KLC1: variants seen among roughly 807,000 people sequenced by gnomAD.
The protein encoded by KLC1 is kinesin 2 60/70kDa.
A neutral mutation model predicts 84.2 loss-of-function variants in KLC1; 30 were observed. The ratio of observed to expected loss-of-function variants is 0.36; its 90% CI spans 0.27 to 0.48. The LOEUF (loss-of-function observed/expected upper bound fraction) is 0.48, where lower values mean the gene tolerates loss of function less well. KLC1 is among the 20% of genes least tolerant of loss of function. KLC1 has a pLI of 0.99. For synonymous variants in KLC1, 289 were observed against 293.3 expected, an observed-to-expected ratio of 0.99 and a Z score of 0.15; for missense variants, 499 against 805.4, an observed-to-expected ratio of 0.62 and a Z score of 4.60.
In KLC1 at chr14:103,701,273, C is replaced by T. The variant is rs1220016644; in HGVS notation, c.*74C>T. ...CGGAGCTGGCCCGGGACAGCCAGGG[C>T]GGCAGGGAGGGCCCCTGGCCGGGAG... On this transcript the variant is annotated 3_prime_UTR_variant, in exon 17 of 17. Coordinates refer to ENST00000334553, the MANE Select transcript of KLC1 (RefSeq NM_001394837.1). The T allele has an allele frequency of 1.3e-5, 19 of 1,507,516 alleles. No individual in the cohort carries two copies. The highest frequency in any genetic ancestry group is 1.1e-4 in the South Asian group (9 of 82,650). The allele number at this position is 1,507,516 out of a possible 1,614,324, so 93.4% of individuals were successfully genotyped here.
intron 1 of KLC1, among the ~76,000 whole-genome samples, chr14:103,645,610 C>T (rs375213611): frequency 1.6e-4 from 25 of 152,242 alleles, no homozygotes; most frequent in African/African-American, 6.0e-4. Context: ...TAACCTACTG[C>T]ACACCTAGGC....
chr14:103,666,598 C>CTTT (rs754602644), intron 5 of KLC1, among the ~76,000 whole-genome samples: 1 of 141,446 alleles, frequency 7.1e-6, no homozygotes, highest in African/African-American at 2.6e-5. Flanking sequence ...TCATTTAATT[C>CTTT]TTTTTTTTTT....
At chr14:103,690,637 C>G (rs934286033) in intron 14 of KLC1, among the ~76,000 whole-genome samples, 4 of 1,216 alleles carry the variant, frequency 3.3e-3, no homozygotes, top group African/African-American at 3.8e-3. Context: ...TGTTCGCTGT[C>G]CCATGTTGCA....
chr14:103,631,962 G>A (rs1375608822), intron 1 of KLC1, among the ~76,000 whole-genome samples: 1 of 152,160 alleles, frequency 6.6e-6, no homozygotes, highest in African/African-American at 2.4e-5. Context: ...GAGTATTTGG[G>A]AAGATTTAAG....
At chr14:103,674,336 A>G (rs558662350) in intron 9 of KLC1, among the ~76,000 whole-genome samples, 1 of 151,950 alleles carries the variant, frequency 6.6e-6, no homozygotes, top group Non-Finnish European at 1.5e-5. Context: ...CCTCCATAGC[A>G]TGGGTCTGTT....
rs187219270 is a variant in KLC1 at position 103,693,675 on chromosome 14, C to T, written c.1848+1250C>T. 2.6e-5 allele frequency: 40 copies of T among 1,523,048 alleles called. No individual in the cohort carries two copies. The highest frequency in any genetic ancestry group is 2.1e-4 in the African/African-American group (15 of 72,760). 94.3% of individuals were successfully genotyped at this position (1,523,048 alleles called of 1,614,324 possible). A position where few individuals can be genotyped will look rare whatever the true frequency, so the allele number is the denominator to read the frequency against. ...AGTGTGAGACCGCCCCGCCCTGCCA[C>T]GCCCCTCACCGCCCTGCCCGGAGGC... is the stretch of plus-strand genomic sequence containing the variant. On this transcript the variant is annotated intron_variant, in intron 15 of 16. Coordinates refer to ENST00000334553, the MANE Select transcript of KLC1 (RefSeq NM_001394837.1). This position sits in a 1 kb window ranked among gnomAD's most constrained non-coding sequence, Gnocchi z 5.1.
At chr14:103,677,092 T>TA (rs1200434848) in intron 11 of KLC1, among the ~76,000 whole-genome samples, 1 of 152,182 alleles carries the variant, frequency 6.6e-6, no homozygotes, top group East Asian at 1.9e-4. Context: ...AGGGAAAGCA[T>TA]GCTGATACCA....
At chr14:103,649,562 CAAAAA>C (rs35297746) in intron 1 of KLC1, among the ~76,000 whole-genome samples, 8 of 75,772 alleles carry the variant, frequency 1.1e-4, no homozygotes, top group Non-Finnish European at 1.2e-4. Flanking sequence ...GACCTCATCT[CAAAAA>C]AAAAAAAAAA....
chr14:103,660,135 CA>C (rs1309060930), intron 3 of KLC1, among the ~76,000 whole-genome samples: 1 of 152,106 alleles, frequency 6.6e-6, no homozygotes, highest in East Asian at 1.9e-4. Flanking sequence ...AAAGGCTTAC[CA>C]AAATCCTCCC....
At chr14:103,690,614 A>G (rs548273983) in intron 14 of KLC1, among the ~76,000 whole-genome samples, 226 of 128,316 alleles carry the variant, frequency 1.8e-3, no homozygotes, top group Non-Finnish European at 3.2e-3. Context: ...TTTCCCAGGA[A>G]CTGCTGCGCT....
intron 14 of KLC1, among the ~76,000 whole-genome samples, chr14:103,690,782 AAGTTATAGATT>A (rs2082063269): frequency 1.3e-5 from 2 of 152,210 alleles, no homozygotes; most frequent in Non-Finnish European, 2.9e-5. Context: ...TCCATCATTT[AAGTTATAGATT>A]ATTTATAGGC....
chr14:103,697,770 A>C (rs1440201148), intron 15 of KLC1: 1 of 152,340 alleles, frequency 6.6e-6, no homozygotes, highest in Non-Finnish European at 1.5e-5. Flanking sequence ...TGCTGGGTGG[A>C]TATTTCAGCC....
rs2083191072 is a variant in KLC1 at position 103,701,484 on chromosome 14, C to T, written c.*285C>T. 3 of 421,862 alleles carry T rather than the reference C, an allele frequency of 7.1e-6. No individual in the cohort carries two copies. Among genetic ancestry groups the T allele is most frequent in the African/African-American group, 2.0e-5 (1 of 49,696 alleles). 26.1% of individuals were successfully genotyped at this position (421,862 alleles called of 1,614,324 possible). Reference sequence around the variant, plus strand: ...TCCCTTCCCATGTGTAACTTCCTCACGTTGTGTGCGATAACGTATTTTATT... The same window carrying T: ...TCCCTTCCCATGTGTAACTTCCTCATGTTGTGTGCGATAACGTATTTTATT... On this transcript the variant is annotated 3_prime_UTR_variant, in exon 17 of 17. Transcript: ENST00000334553.
In KLC1 at chr14:103,670,280, A is replaced by G; in HGVS notation, c.984A>G (p.Glu328=). ...GTAAAAGAGCTCTGGAAATCCGAGAAAAGGTACAAAAGAAGGGGGCAGTCG... is the reference window on the plus strand; with the variant it reads ...GTAAAAGAGCTCTGGAAATCCGAGAGAAGGTACAAAAGAAGGGGGCAGTCG... The part of the protein sequence containing the change: ...PLCKRALEIR[E]KVLGKDHPDV... The change falls in exon 7 of 17, where the codon GAA becomes GAG. Residue 328 remains glutamate, a synonymous_variant. Transcript: ENST00000334553. 2 of 1,608,178 alleles carry G rather than the reference A, an allele frequency of 1.2e-6. No individual in the cohort carries two copies. Among genetic ancestry groups the G allele is most frequent in the Non-Finnish European group, 1.7e-6 (2 of 1,175,692 alleles).
chr14:103,667,912 C>G (rs916430693), intron 5 of KLC1, among the ~76,000 whole-genome samples: 8 of 152,320 alleles, frequency 5.3e-5, no homozygotes, highest in Non-Finnish European at 1.2e-4. Flanking sequence ...GAGTAGCACG[C>G]TTAAACTGAG....
intron 15 of KLC1, chr14:103,695,079 C>T: frequency 2.0e-6 from 2 of 985,206 alleles, no homozygotes; most frequent in Non-Finnish European, 2.4e-6. Flanking sequence ...AGCTTACATT[C>T]TAAATGCTAC....
intron 1 of KLC1, among the ~76,000 whole-genome samples, chr14:103,650,581 CTT>C (rs530758320): frequency 1.3e-4 from 17 of 135,790 alleles, no homozygotes; most frequent in Admixed American, 1.5e-4. Context: ...AGCCTGTATA[CTT>C]TTTTTTTTTT....
In KLC1 at chr14:103,696,092, GCCCCCGC is replaced by G. The variant is rs143301424; in HGVS notation, c.1848+3680_1848+3686del. The G allele has an allele frequency of 1.6e-3, 1,231 of 762,966 alleles. 116 individuals are homozygous for G. The African/African-American group carries it at 0.032, about 20-fold the overall frequency. The allele number at this position is 762,966 out of a possible 1,614,324, so 47.3% of individuals were successfully genotyped here. A position where few individuals can be genotyped will look rare whatever the true frequency, so the allele number is the denominator to read the frequency against. Reference sequence around the variant, plus strand: ...GAGTTGCTGTCAAAATAATCACTGCGCCCCCGCCCCCCGCCCCCCCCCACAGCAGCCG... The same window carrying G: ...GAGTTGCTGTCAAAATAATCACTGCGCCCCCGCCCCCCCCCACAGCAGCCG... On this transcript the variant is annotated intron_variant, in intron 15 of 16. Transcript: ENST00000334553.
intron 5 of KLC1, among the ~76,000 whole-genome samples, chr14:103,669,294 G>T (rs1351361196): frequency 1.3e-5 from 2 of 151,794 alleles, no homozygotes; most frequent in African/African-American, 4.8e-5. Flanking sequence ...AATTAGCCGG[G>T]CGTGGTGACA....
Sources: allele counts gnomAD v4.1 joint callset (sites outside exome capture counted in the v4.1 genomes callset), GRCh38; gene constraint gnomAD v4.1.1; non-coding constraint Gnocchi (gnomAD v3.1); transcripts MANE v1.5; gene names NCBI Gene and HGNC (gene_info 2026-07-23, HGNC 2026-07-21).